Variants in NRG1 observed in about 807,000 individuals in gnomAD.
NRG1 encodes pro-neuregulin-1, membrane-bound isoform.
NRG1 carries 18 observed loss-of-function variants against 63.8 expected under a neutral mutation model. The observed-to-expected ratio is 0.28, with a 90% confidence interval of 0.19 to 0.42. NRG1 has a LOEUF of 0.42. Ranked by LOEUF, NRG1 falls within the 10% of genes least tolerant of loss-of-function variation. The probability of loss-of-function intolerance (pLI) is 1.00; values close to 1 mark genes in which losing one functional copy is unlikely to be tolerated. For missense variants in NRG1, 762 were observed against 814.7 expected (o/e 0.94, Z 0.79); for synonymous variants, 302 against 301.3 (o/e 1.00, Z -0.02).
chr8:32,238,109 T>C (rs1256054214), intron 1 of NRG1, among the ~76,000 whole-genome samples: 1 of 152,144 alleles, frequency 6.6e-6, no homozygotes, highest in Non-Finnish European at 1.5e-5. Flanking sequence ...ATTCGGTGTG[T>C]AGTCGGTGAG....
At chr8:32,539,850 G>A (rs1421808754) in intron 1 of NRG1, among the ~76,000 whole-genome samples, 3 of 152,140 alleles carry the variant, frequency 2.0e-5, no homozygotes, top group Non-Finnish European at 2.9e-5. Context: ...ATTTTACTAT[G>A]AGTCCCAGGC....
chr8:32,335,470 G>C (rs1232367380), intron 1 of NRG1, among the ~76,000 whole-genome samples: 6 of 152,156 alleles, frequency 3.9e-5, no homozygotes. Flanking sequence ...TGTGGGTCCA[G>C]CTTTTCCTCC....
At position 32,403,299 on chromosome 8, in the gene NRG1, CAAAAAAAAAAAAAAA is replaced by C. The variant is rs68127664; in HGVS notation, c.38-192523_38-192509del. On this transcript the variant is annotated intron_variant, in intron 1 of 10. Coordinates refer to the NRG1 transcript ENST00000519301. ...TGGGCGACAGAGCGACACTCTGTCT[CAAAAAAAAAAAAAAA>C]AAAAAGAAAGAAAAAAGAAATGAGC... Among the ~76,000 whole-genome samples, 4 of 89,796 alleles carry C rather than the reference CAAAAAAAAAAAAAAA, an allele frequency of 4.5e-5. No individual in the cohort carries two copies. The South Asian group carries it at 1.6e-3, about 35-fold the overall frequency. The allele number at this position is 89,796 out of a possible 152,430, so 58.9% of individuals were successfully genotyped here.
intron 5 of NRG1, among the ~76,000 whole-genome samples, chr8:32,685,675 C>T (rs1184589013): frequency 6.6e-6 from 1 of 152,148 alleles, no homozygotes; most frequent in East Asian, 1.9e-4. Context: ...ACCAAGAACA[C>T]TAAAAATCTT....
intron 1 of NRG1, among the ~76,000 whole-genome samples, chr8:32,573,954 C>A (rs1238224528): frequency 1.3e-5 from 2 of 152,110 alleles, no homozygotes; most frequent in African/African-American, 4.8e-5. Flanking sequence ...TTTCCAGCTT[C>A]ATCCATGTCC....
rs149217101 is a variant in NRG1, at chr8:31,791,968, G to C, written c.37+152537G>C. 6.6e-3 allele frequency among the ~76,000 whole-genome samples: 1,000 copies of C among 152,226 alleles called. 6 individuals are homozygous for C. Among genetic ancestry groups the C allele is most frequent in the Non-Finnish European group, 0.012 (804 of 68,002 alleles). The stretch of plus-strand genomic sequence containing the variant: ...ACTGCTTACATGTTCTAGCTCCTTG[G>C]TTGGCTCCAAGGAGTTGTGATGGAA... On this transcript the variant is annotated intron_variant, in intron 1 of 10. Coordinates refer to the NRG1 transcript ENST00000519301.
chr8:32,628,514 A>G (rs1849695153), intron 5 of NRG1, among the ~76,000 whole-genome samples: 1 of 152,092 alleles, frequency 6.6e-6, no homozygotes, highest in African/African-American at 2.4e-5. Flanking sequence ...TGTGTGTGCA[A>G]ATGAGACTGT....
At chr8:31,647,992 C>A (rs2130862925) in intron 1 of NRG1, among the ~76,000 whole-genome samples, 1 of 152,218 alleles carries the variant, frequency 6.6e-6, no homozygotes, top group South Asian at 2.1e-4. Flanking sequence ...GTAACCCTCA[C>A]TGCAATCCAT....
intron 5 of NRG1, among the ~76,000 whole-genome samples, chr8:32,714,551 C>G (rs565980053): frequency 6.6e-6 from 1 of 152,292 alleles, no homozygotes; most frequent in South Asian, 2.1e-4. Flanking sequence ...ATGTATTGGA[C>G]ACTTTCCTGG....
intron 1 of NRG1, among the ~76,000 whole-genome samples, chr8:32,430,158 G>A (rs1242389059): frequency 6.6e-6 from 1 of 152,102 alleles, no homozygotes; most frequent in Non-Finnish European, 1.5e-5. Flanking sequence ...ATGTAAGCTT[G>A]ACTCATTCAG....
intron 5 of NRG1, among the ~76,000 whole-genome samples, chr8:32,701,168 T>C (rs1264678619): frequency 6.6e-6 from 1 of 152,166 alleles, no homozygotes; most frequent in Non-Finnish European, 1.5e-5. Flanking sequence ...ATCCTCATCT[T>C]CTCTATTTTC....
chr8:32,013,468 G>A (rs971463235), intron 1 of NRG1, among the ~76,000 whole-genome samples: 1 of 152,092 alleles, frequency 6.6e-6, no homozygotes, highest in Non-Finnish European at 1.5e-5. Flanking sequence ...GGACTGAAAA[G>A]TTCCTGGGTT....
intron 1 of NRG1, among the ~76,000 whole-genome samples, chr8:32,314,324 C>T (rs192583823): frequency 6.6e-6 from 1 of 152,296 alleles, no homozygotes; most frequent in Admixed American, 6.5e-5. Context: ...AGTTCCCTTA[C>T]CACTAAAGTG....
In NRG1 at chr8:32,117,005, G is replaced by T. The variant is rs570466917; in HGVS notation, c.37+477574G>T. 8.0e-5 allele frequency among the ~76,000 whole-genome samples: 12 copies of T among 149,200 alleles called. No homozygotes were observed. The East Asian group carries it at 2.2e-3, about 27-fold the overall frequency. ...AAAAAAAAAAAAAAAAGTCAGGTGTGATGGTATATGCCTGTAGTCCTAGCT... is the reference window on the plus strand; with the variant it reads ...AAAAAAAAAAAAAAAAGTCAGGTGTTATGGTATATGCCTGTAGTCCTAGCT... On this transcript the variant is annotated intron_variant, in intron 1 of 10. Transcript: ENST00000519301.
Position 32,158,464 on chromosome 8 carries a change from T to TTTACATG in NRG1, c.38-437364_38-437363insTTACATG, listed in dbSNP as rs1838421594. ...GGTTTACATGATATATATATATATATATATATATCATGTATATGTATATGA... is the reference window on the plus strand; with the variant it reads ...GGTTTACATGATATATATATATATATTTACATGATATATATCATGTATATGTATATGA... On this transcript the variant is annotated intron_variant, in intron 1 of 10. Coordinates refer to the NRG1 transcript ENST00000519301. 3.0e-5 allele frequency among the ~76,000 whole-genome samples: 4 copies of TTTACATG among 131,666 alleles called. No homozygotes were observed. In the Admixed American group the frequency reaches 3.3e-4, roughly 11 times the overall value. 86.4% of individuals were successfully genotyped at this position (131,666 alleles called of 152,430 possible).
intron 1 of NRG1, among the ~76,000 whole-genome samples, chr8:32,387,209 T>G (rs1438339780): frequency 6.6e-6 from 1 of 152,234 alleles, no homozygotes; most frequent in Non-Finnish European, 1.5e-5. Context: ...GACACATTTC[T>G]TATTCTTCTG....
intron 1 of NRG1, among the ~76,000 whole-genome samples, chr8:31,865,087 T>G (rs2129610886): frequency 6.6e-6 from 1 of 152,292 alleles, no homozygotes; most frequent in South Asian, 2.1e-4. Flanking sequence ...GCCAAAGCGT[T>G]TTCAGTTTGG....
intron 1 of NRG1, among the ~76,000 whole-genome samples, chr8:32,282,307 A>G (rs1852955837): frequency 6.6e-6 from 1 of 152,116 alleles, no homozygotes; most frequent in African/African-American, 2.4e-5. Context: ...TTTACGTAGG[A>G]CCTTCCACTC....
Position 32,503,671 on chromosome 8 carries a change from A to G in NRG1, c.38-92157A>G, listed in dbSNP as rs191143988. On this transcript the variant is annotated intron_variant, in intron 1 of 10. Transcript: ENST00000519301. Reference sequence around the variant, plus strand: ...GTAACTCTCTTTAATTAAAGAAATAATATTAAACTGGTAGTAGCGGTGAAT... The same window carrying G: ...GTAACTCTCTTTAATTAAAGAAATAGTATTAAACTGGTAGTAGCGGTGAAT... 7.2e-5 allele frequency among the ~76,000 whole-genome samples: 11 copies of G among 152,284 alleles called. No homozygotes were observed. The East Asian group carries it at 1.2e-3, about 16-fold the overall frequency.
Sources: allele counts gnomAD v4.1 joint callset (sites outside exome capture counted in the v4.1 genomes callset), GRCh38; gene constraint gnomAD v4.1.1; transcripts MANE v1.5; gene names NCBI Gene and HGNC (gene_info 2026-07-23, HGNC 2026-07-21).